The following SLC24A4 variants were observed in gnomAD, a reference collection of about 807,000 sequenced individuals.
SLC24A4 encodes the protein sodium/potassium/calcium exchanger 4.
A neutral mutation model predicts 79.0 loss-of-function variants in SLC24A4; 53 were observed. The observed-to-expected ratio is 0.67, with a 90% confidence interval of 0.54 to 0.84. The LOEUF (loss-of-function observed/expected upper bound fraction) is 0.84. Ranked by LOEUF, SLC24A4 falls within the 40% of genes least tolerant of loss-of-function variation. SLC24A4 has a pLI of 0.00. For missense variants in SLC24A4, 731 were observed against 822.0 expected (o/e 0.89, Z 1.35); for synonymous variants, 323 against 323.8 (o/e 1.00, Z 0.03).
chr14:92,486,396 G>A (rs990541183), intron 13 of SLC24A4, among the ~76,000 whole-genome samples: 2 of 152,200 alleles, frequency 1.3e-5, no homozygotes, highest in Non-Finnish European at 2.9e-5. Flanking sequence ...CCAGGGTAAA[G>A]CAGGGTTCAT....
intron 2 of SLC24A4, among the ~76,000 whole-genome samples, chr14:92,400,437 CAAAAAAAAAAAA>C (rs35343108): frequency 1.3e-5 from 1 of 79,480 alleles, no homozygotes; most frequent in Non-Finnish European, 2.5e-5. Context: ...GACTCCATCT[CAAAAAAAAAAAA>C]AAAAAAAAAG....
chr14:92,434,877 G>A (rs1310376942), intron 3 of SLC24A4, among the ~76,000 whole-genome samples: 1 of 152,088 alleles, frequency 6.6e-6, no homozygotes. Context: ...GGGTTCAAAA[G>A]ATTCTCCTGC....
At chr14:92,425,577 C>A (rs1438432969) in intron 2 of SLC24A4, among the ~76,000 whole-genome samples, 1 of 152,242 alleles carries the variant, frequency 6.6e-6, no homozygotes, top group South Asian at 2.1e-4. Context: ...ATGGACCAGC[C>A]ATTGTCTGTT....
chr14:92,477,244 G>C (rs1894815974), intron 12 of SLC24A4, among the ~76,000 whole-genome samples: 1 of 152,084 alleles, frequency 6.6e-6, no homozygotes, highest in Non-Finnish European at 1.5e-5. Context: ...AAATCGCCTT[G>C]AATTACATTT....
intron 2 of SLC24A4, among the ~76,000 whole-genome samples, chr14:92,344,533 G>C (rs553145086): frequency 2.0e-5 from 3 of 152,156 alleles, no homozygotes; most frequent in Admixed American, 2.0e-4. Flanking sequence ...GAGGCAGTTG[G>C]AGTTGGGGAG....
At chr14:92,393,429 G>A (rs762458114) in intron 2 of SLC24A4, among the ~76,000 whole-genome samples, 58 of 152,154 alleles carry the variant, frequency 3.8e-4, no homozygotes, top group African/African-American at 1.2e-3. Flanking sequence ...GCTGTCTCCC[G>A]CAGCATGAAC....
rs1262785181 is a variant in SLC24A4, at chr14:92,353,768, G to A, written c.241+27790G>A. 1.3e-5 allele frequency among the ~76,000 whole-genome samples: 2 copies of A among 152,180 alleles called. No homozygotes were observed. The highest frequency in any genetic ancestry group is 4.8e-5 in the African/African-American group (2 of 41,438). ...TCAGAAAAGGGATTGTCGTGGTCAG[G>A]TTCCCCAGAGATAAATCTAGCATGG... is the stretch of plus-strand genomic sequence containing the variant. On this transcript the variant is annotated intron_variant, in intron 2 of 16. Coordinates refer to ENST00000532405, the MANE Select transcript of SLC24A4 (RefSeq NM_153646.4). This position sits in a 1 kb window ranked among gnomAD's most constrained non-coding sequence, Gnocchi z 4.1.
intron 2 of SLC24A4, among the ~76,000 whole-genome samples, chr14:92,351,704 G>GA (rs145029634): frequency 0.1 from 14,956 of 149,308 alleles, 929 homozygotes; most frequent in Admixed American, 0.14. Context: ...TAAAAATACT[G>GA]AAAAAAAAAA....
chr14:92,354,826 C>A (rs1297708380), intron 2 of SLC24A4, among the ~76,000 whole-genome samples: 1 of 152,134 alleles, frequency 6.6e-6, no homozygotes, highest in Non-Finnish European at 1.5e-5. Context: ...GTAATCCCAG[C>A]ACTTTGGGAG....
In SLC24A4 at chr14:92,447,384, G is replaced by A; in HGVS notation, c.697G>A (p.Val233Met). 1 of 1,614,128 alleles carries A rather than the reference G, an allele frequency of 6.2e-7. No homozygotes were observed. Among genetic ancestry groups the A allele is most frequent in the Non-Finnish European group, 8.5e-7 (1 of 1,180,010 alleles). The change falls in exon 9 of 17, where the codon GTG (valine) becomes ATG (methionine). Residue 233 changes from valine (V) to methionine (M), a missense_variant. Coordinates refer to ENST00000532405, the MANE Select transcript of SLC24A4 (RefSeq NM_153646.4). ...TCTCTCTTTGAGGTGGGAAGGCCTG[G>A]TGCTCATCATCTTGTATGTGTTTTA... Reference protein sequence around the residue: ...DEQIVWWEGLVLIILYVFYIL... With the variant: ...DEQIVWWEGLMLIILYVFYIL...
At position 92,474,863 on chromosome 14, in the gene SLC24A4, A is replaced by ATATATTTT. The variant is rs36185636; in HGVS notation, c.1256-7816_1256-7815insATATTTTT. ...TGTGTGTATATATATATATATATAT[A>ATATATTTT]TTTTTTTTTTTTTTAGTAGACACAG... is the stretch of plus-strand genomic sequence containing the variant. On this transcript the variant is annotated intron_variant, in intron 12 of 16. Coordinates refer to ENST00000532405, the MANE Select transcript of SLC24A4 (RefSeq NM_153646.4). Among the ~76,000 whole-genome samples the ATATATTTT allele has an allele frequency of 2.5e-4, 14 of 57,124 alleles. 2 individuals are homozygous for ATATATTTT. The highest frequency in any genetic ancestry group is 4.3e-4 in the Admixed American group (2 of 4,692). 37.5% of individuals were successfully genotyped at this position (57,124 alleles called of 152,430 possible). A position where few individuals can be genotyped will look rare whatever the true frequency, so the allele number is the denominator to read the frequency against.
chr14:92,444,682 TTGTC>T (rs1237802962), intron 7 of SLC24A4, among the ~76,000 whole-genome samples: 2 of 152,046 alleles, frequency 1.3e-5, no homozygotes, highest in Non-Finnish European at 2.9e-5. Context: ...TGGTGAAACC[TTGTC>T]TCTACTAAAA....
chr14:92,334,009 CA>C, intron 2 of SLC24A4, among the ~76,000 whole-genome samples: 1 of 152,178 alleles, frequency 6.6e-6, no homozygotes, highest in Non-Finnish European at 1.5e-5. Flanking sequence ...CCTAGAGCTG[CA>C]AAAAGGACAT....
At chr14:92,351,634 A>G (rs1004643921) in intron 2 of SLC24A4, among the ~76,000 whole-genome samples, 1 of 152,166 alleles carries the variant, frequency 6.6e-6, no homozygotes, top group Non-Finnish European at 1.5e-5. Context: ...AGGCGGGTGG[A>G]TCACTTGAAG....
At chr14:92,387,173 A>G (rs1419125613) in intron 2 of SLC24A4, among the ~76,000 whole-genome samples, 2 of 139,110 alleles carry the variant, frequency 1.4e-5, no homozygotes, top group African/African-American at 6.1e-5. Context: ...CTGACCCTGG[A>G]GAGAAGTATT....
chr14:92,489,456 G>A (rs1458776793), intron 14 of SLC24A4, among the ~76,000 whole-genome samples: 1 of 152,072 alleles, frequency 6.6e-6, no homozygotes, highest in Non-Finnish European at 1.5e-5. Flanking sequence ...GCTTCCTGAT[G>A]ACAAAAGATC....
At chr14:92,428,321 C>A (rs1229636989) in intron 2 of SLC24A4, among the ~76,000 whole-genome samples, 1 of 152,150 alleles carries the variant, frequency 6.6e-6, no homozygotes, top group South Asian at 2.1e-4. Flanking sequence ...ACTTCACATG[C>A]AGAACCCTAG....
At chr14:92,445,397 C>T in intron 8 of SLC24A4, 55 bp downstream of exon 8, 2 of 1,572,774 alleles carry the variant, frequency 1.3e-6, no homozygotes, top group South Asian at 1.1e-5. Flanking sequence ...TTTCCAGTAT[C>T]CTTATTTGTT....
chr14:92,413,083 C>T (rs972305643), intron 2 of SLC24A4, among the ~76,000 whole-genome samples: 4 of 152,160 alleles, frequency 2.6e-5, no homozygotes, highest in Non-Finnish European at 4.4e-5. Context: ...CCATATGGCC[C>T]GCAAAGCCTG....
Sources: gnomAD v4.1 joint callset for allele counts (sites outside exome capture counted in the v4.1 genomes callset) on GRCh38, gnomAD v4.1.1 for gene constraint, Gnocchi (gnomAD v3.1) non-coding constraint, MANE v1.5 for transcripts, NCBI Gene and HGNC (gene_info 2026-07-23, HGNC 2026-07-21) for gene names.